CP: variants seen among roughly 807,000 people sequenced by gnomAD.
CP encodes ceruloplasmin.
CP carries 64 observed loss-of-function variants against 122.4 expected under a neutral mutation model. The ratio of observed to expected loss-of-function variants is 0.52; its 90% CI spans 0.43 to 0.64. CP has a LOEUF of 0.64. Among genes scored for constraint, CP ranks in the 30% least tolerant of loss-of-function variants. The pLI is 0.00. For missense variants in CP, 1,167 were observed against 1,284.4 expected (o/e 0.91, Z 1.40); for synonymous variants, 440 against 436.4 (o/e 1.01, Z -0.10).
At chr3:149,218,925 A>T (rs1728636566) in intron 1 of CP, among the ~76,000 whole-genome samples, 1 of 152,112 alleles carries the variant, frequency 6.6e-6, no homozygotes, top group African/African-American at 2.4e-5. Context: ...TCTTCAGCCC[A>T]TTTATTTCCA....
At chr3:149,207,872 C>T (rs1009053547) in intron 4 of CP, among the ~76,000 whole-genome samples, 6 of 152,110 alleles carry the variant, frequency 3.9e-5, no homozygotes, top group African/African-American at 1.4e-4. Flanking sequence ...AACCTATTTG[C>T]TGTCTTTGTT....
intron 14 of CP, among the ~76,000 whole-genome samples, chr3:149,181,315 G>A (rs953791093): frequency 6.6e-5 from 10 of 152,034 alleles, no homozygotes; most frequent in South Asian, 2.1e-4. Context: ...GAATCAATTC[G>A]TGCACAATTA....
exon 6 of CP, chr3:149,162,582 A>G (rs1381593892): frequency 8.1e-7 from 1 of 1,239,404 alleles, no homozygotes; most frequent in Non-Finnish European, 1.2e-6. Context: ...TGCTAATGGT[A>G]AATTATTGAT....
In CP at chr3:149,179,525, A is replaced by G. The variant is rs779220763; in HGVS notation, c.2661+31T>C. ...CTTCAATTGTGTGTCTATTTTGGGA[A>G]GTGTCACAAAACAAATGATTTGTAT... On this transcript the variant is annotated intron_variant, in intron 15 of 18. Coordinates refer to ENST00000264613, the MANE Select transcript of CP (RefSeq NM_000096.4). 4.7e-6 allele frequency: 7 copies of G among 1,477,894 alleles called. No homozygotes were observed. In the African/African-American group the frequency reaches 9.7e-5, roughly 20 times the overall value. 91.5% of individuals were successfully genotyped at this position (1,477,894 alleles called of 1,614,324 possible).
chr3:149,181,926 C>G, intron 14 of CP, 79 bp downstream of exon 14: 1 of 1,518,260 alleles, frequency 6.6e-7, no homozygotes, highest in Admixed American at 1.7e-5. Context: ...GGTCCAGACT[C>G]TCTATGATGA....
chr3:149,211,674 T>G (rs924949027), intron 2 of CP, among the ~76,000 whole-genome samples: 2 of 152,236 alleles, frequency 1.3e-5, no homozygotes, highest in African/African-American at 4.8e-5. Context: ...TTATGCCACC[T>G]TAGCTGGGGC....
chr3:149,204,370 A>G (rs1165293109), intron 6 of CP, among the ~76,000 whole-genome samples: 1 of 152,240 alleles, frequency 6.6e-6, no homozygotes, highest in Non-Finnish European at 1.5e-5. Context: ...AGGTATTGGC[A>G]AAGAAGATGG....
chr3:149,199,887 T>C (rs1469345082), intron 7 of CP, 23 bp from the exon 8 acceptor site: 5 of 1,612,330 alleles, frequency 3.1e-6, no homozygotes, highest in South Asian at 1.1e-5. Flanking sequence ...AGAGAATTAT[T>C]ATCCTTCCTT....
At chr3:149,196,756 C>T (rs113352363) in intron 9 of CP, among the ~76,000 whole-genome samples, 5,519 of 42,142 alleles carry the variant, frequency 0.13, 346 homozygotes, top group African/African-American at 0.31. Flanking sequence ...ATTGAGAAGC[C>T]TTTGATTAAT....
intron 9 of CP, among the ~76,000 whole-genome samples, chr3:149,193,061 G>T (rs1309664635): frequency 6.6e-6 from 1 of 151,806 alleles, no homozygotes; most frequent in Non-Finnish European, 1.5e-5. Flanking sequence ...ACTGTATGTG[G>T]TATACTCTGA....
chr3:149,171,398 C>T (rs189669056), downstream of CP, among the ~76,000 whole-genome samples: 283 of 151,648 alleles, frequency 1.9e-3, 1 homozygote, highest in African/African-American at 6.3e-3. Flanking sequence ...GGAACTAATA[C>T]GGGAAAACAT....
At chr3:149,220,215 A>G (rs1253350441) in intron 1 of CP, among the ~76,000 whole-genome samples, 1 of 152,160 alleles carries the variant, frequency 6.6e-6, no homozygotes, top group Non-Finnish European at 1.5e-5. Context: ...TTTGAAGCAT[A>G]TTCAGGGCAA....
chr3:149,167,835 TTGAAATC>T, downstream of CP: 3 of 1,012,128 alleles, frequency 3.0e-6, no homozygotes, highest in South Asian at 2.5e-5. Flanking sequence ...TTATTCTCCT[TTGAAATC>T]TGAGAATAAA....
At chr3:149,207,682 C>G in intron 4 of CP, 65 bp from the exon 5 acceptor site, 1 of 1,548,286 alleles carries the variant, frequency 6.5e-7, no homozygotes, top group Non-Finnish European at 8.9e-7. Context: ...AGAGTTACCT[C>G]TATATAAATA....
chr3:149,179,711 T>TACACACACACAC (rs71304221), intron 14 of CP, 49 bp from the exon 15 acceptor site: 54 of 608,958 alleles, frequency 8.9e-5, no homozygotes, highest in East Asian at 3.2e-4. Flanking sequence ...GTTTATATTG[T>TACACACACACAC]ACACACACAC....
At chr3:149,197,834 G>A (rs1421143977) in intron 9 of CP, among the ~76,000 whole-genome samples, 1 of 152,186 alleles carries the variant, frequency 6.6e-6, no homozygotes, top group Non-Finnish European at 1.5e-5. Context: ...CAGAGCTCAG[G>A]AGATAATGCT....
At chr3:149,166,150 A>G in intron 4 of CP, 1 of 388,094 alleles carries the variant, frequency 2.6e-6, no homozygotes, top group East Asian at 7.5e-5. Flanking sequence ...TGGTAGAATC[A>G]AAAGTAGTAT....
At chr3:149,197,606 C>A (rs1257831713) in intron 9 of CP, among the ~76,000 whole-genome samples, 1 of 152,058 alleles carries the variant, frequency 6.6e-6, no homozygotes, top group Non-Finnish European at 1.5e-5. Context: ...TTTTAGCGAT[C>A]CCCAACATTT....
chr3:149,209,683 T>C (rs1727978067), intron 3 of CP, among the ~76,000 whole-genome samples: 1 of 152,178 alleles, frequency 6.6e-6, no homozygotes, highest in Admixed American at 6.5e-5. Context: ...CTGGTGCATA[T>C]AGCCACAAAC....
Sources: allele counts gnomAD v4.1 joint callset (sites outside exome capture counted in the v4.1 genomes callset), GRCh38; gene constraint gnomAD v4.1.1; transcripts MANE v1.5; gene names NCBI Gene and HGNC (gene_info 2026-07-23, HGNC 2026-07-21).